PTPRN2: variants seen among roughly 807,000 people sequenced by gnomAD.
The protein encoded by PTPRN2 is protein tyrosine phosphatase receptor type N2, also known as receptor-type tyrosine-protein phosphatase N2.
PTPRN2 carries 74 observed loss-of-function variants against 118.8 expected under a neutral mutation model. The observed-to-expected ratio is 0.62, with a 90% CI of 0.52 to 0.76. The LOEUF is 0.76. Among genes scored for constraint, PTPRN2 ranks in the 30% least tolerant of loss-of-function variants. The probability of loss-of-function intolerance (pLI) is 0.00; values close to 1 mark genes in which losing one functional copy is unlikely to be tolerated. For missense variants in PTPRN2, 1,481 were observed against 1,394.4 expected, an observed-to-expected ratio of 1.06 and a Z score of -0.99; for synonymous variants, 641 against 608.0, an observed-to-expected ratio of 1.05 and a Z score of -0.80.
At chr7:157,836,906 C>A (rs1243613907) in intron 12 of PTPRN2, among the ~76,000 whole-genome samples, 2 of 151,884 alleles carry the variant, frequency 1.3e-5, no homozygotes, top group Non-Finnish European at 2.9e-5. Context: ...ATCCATCTAC[C>A]CACCCACCCT....
At chr7:157,847,641 G>A (rs1041074535) in intron 12 of PTPRN2, among the ~76,000 whole-genome samples, 12 of 149,154 alleles carry the variant, frequency 8.0e-5, no homozygotes, top group Non-Finnish European at 3.0e-5. Context: ...TGTGCCCAAT[G>A]TCTACAGAGC....
intron 2 of PTPRN2, among the ~76,000 whole-genome samples, chr7:158,326,816 C>T (rs1803597243): frequency 9.7e-6 from 1 of 103,468 alleles, no homozygotes; most frequent in Non-Finnish European, 2.0e-5. Flanking sequence ...CACACATGCA[C>T]ACATCCTCAC....
rs768795700 is a variant in PTPRN2 at position 157,988,093 on chromosome 7, C to T, written c.1724-89356G>A. Among the ~76,000 whole-genome samples the T allele has an allele frequency of 9.8e-5, 15 of 152,298 alleles. No homozygotes were observed. In the South Asian group the frequency reaches 1.0e-3, roughly 11 times the overall value. On this transcript the variant is annotated intron_variant, in intron 11 of 22. Transcript: ENST00000389418. ...CAGGGTCAAAGCTGCCTCATGCAGA[C>T]GGAGAGGAGAAGCTGCGTTCCCTGC...
chr7:158,425,844 G>C, intron 2 of PTPRN2, among the ~76,000 whole-genome samples: 1 of 126,208 alleles, frequency 7.9e-6, no homozygotes, highest in African/African-American at 3.4e-5. Flanking sequence ...TGAGGCCTGC[G>C]CACCGCCGGG....
chr7:157,967,452 ACT>A (rs1326251189), intron 11 of PTPRN2, among the ~76,000 whole-genome samples: 1 of 151,898 alleles, frequency 6.6e-6, no homozygotes, highest in Non-Finnish European at 1.5e-5. Context: ...GCAGGTAGAG[ACT>A]CTGTGTGGCA....
intron 4 of PTPRN2, among the ~76,000 whole-genome samples, chr7:158,192,785 G>A (rs1158099522): frequency 1.3e-5 from 2 of 152,192 alleles, no homozygotes; most frequent in Non-Finnish European, 1.5e-5. Flanking sequence ...AACAAGGGGA[G>A]GGGAGAAAGG....
chr7:157,782,281 T>C (rs1009601226), intron 12 of PTPRN2, among the ~76,000 whole-genome samples: 7 of 152,216 alleles, frequency 4.6e-5, no homozygotes, highest in African/African-American at 7.2e-5. Context: ...CAGGCTCCAG[T>C]CAACCACGCT....
At chr7:157,623,945 C>CT (rs1281069673) in intron 14 of PTPRN2, among the ~76,000 whole-genome samples, 1 of 152,192 alleles carries the variant, frequency 6.6e-6, no homozygotes, top group Non-Finnish European at 1.5e-5. Context: ...TCTTAGGAGT[C>CT]TTTTTTCTCT....
intron 3 of PTPRN2, among the ~76,000 whole-genome samples, chr7:158,230,105 G>C (rs934328594): frequency 6.6e-6 from 1 of 152,030 alleles, no homozygotes; most frequent in Non-Finnish European, 1.5e-5. Context: ...CAAAGTGCTG[G>C]AAGGAGAAAA....
chr7:157,675,722 G>A (rs962145224), intron 13 of PTPRN2, among the ~76,000 whole-genome samples: 1 of 152,126 alleles, frequency 6.6e-6, no homozygotes, highest in Non-Finnish European at 1.5e-5. Flanking sequence ...GACCGGGCAA[G>A]TCACCCTCGG....
At chr7:158,178,347 C>T (rs1824397245) in intron 5 of PTPRN2, among the ~76,000 whole-genome samples, 1 of 152,174 alleles carries the variant, frequency 6.6e-6, no homozygotes, top group South Asian at 2.1e-4. Flanking sequence ...ATCCCTCTCC[C>T]CTCTCACCCT....
chr7:158,472,012 G>GCCACGGTTCCTGCCCCA (rs1465138703), intron 2 of PTPRN2, among the ~76,000 whole-genome samples: 3 of 151,824 alleles, frequency 2.0e-5, no homozygotes, highest in Admixed American at 1.3e-4. Flanking sequence ...TTCCGGCCTC[G>GCCACGGTTCCTGCCCCA]CCACGGTTCC....
At chr7:158,270,195 A>T (rs1798215803) in intron 3 of PTPRN2, among the ~76,000 whole-genome samples, 1 of 152,226 alleles carries the variant, frequency 6.6e-6, no homozygotes, top group South Asian at 2.1e-4. Context: ...GCCAGCAGTG[A>T]CTCAGGGCCT....
At chr7:157,757,509 A>G (rs1189751484) in intron 12 of PTPRN2, among the ~76,000 whole-genome samples, 1 of 151,934 alleles carries the variant, frequency 6.6e-6, no homozygotes, top group Non-Finnish European at 1.5e-5. Flanking sequence ...GACCCCAGGG[A>G]ACTTTGGATA....
chr7:158,043,565 G>C (rs1010346824), intron 11 of PTPRN2, among the ~76,000 whole-genome samples: 2 of 152,238 alleles, frequency 1.3e-5, no homozygotes, highest in Non-Finnish European at 2.9e-5. Flanking sequence ...TCCTGCAGGA[G>C]AGAATGGCAT....
chr7:157,752,532 ACT>A (rs1277764435), intron 12 of PTPRN2, among the ~76,000 whole-genome samples: 1 of 151,284 alleles, frequency 6.6e-6, no homozygotes, highest in Non-Finnish European at 1.5e-5. Flanking sequence ...GTCAACGCGC[ACT>A]CTCTCTTCTG....
In PTPRN2 at chr7:157,629,819, T is replaced by C. The variant is rs1803829594; in HGVS notation, c.2197-8310A>G. 6.6e-6 allele frequency among the ~76,000 whole-genome samples: 1 copy of C among 152,230 alleles called. No individual in the cohort carries two copies. Among genetic ancestry groups the C allele is most frequent in the Admixed American group, 6.5e-5 (1 of 15,288 alleles). Reference sequence around the variant, plus strand: ...ACAATGCCCTTTAATTTACTGAACATTACAATCAAACCTTTTGTTAAAACG... The same window carrying C: ...ACAATGCCCTTTAATTTACTGAACACTACAATCAAACCTTTTGTTAAAACG... On this transcript the variant is annotated intron_variant, in intron 14 of 22. Transcript: ENST00000389418. This position sits in a 1 kb window ranked among gnomAD's most constrained non-coding sequence, Gnocchi z 4.4.
intron 12 of PTPRN2, among the ~76,000 whole-genome samples, chr7:157,887,289 C>A (rs1474310775): frequency 6.6e-6 from 1 of 152,072 alleles, no homozygotes; most frequent in African/African-American, 2.4e-5. Context: ...TACCAGTAAA[C>A]AGGCTTTTCT....
At chr7:158,520,355 G>A (rs1448962082) in intron 1 of PTPRN2, among the ~76,000 whole-genome samples, 1 of 152,224 alleles carries the variant, frequency 6.6e-6, no homozygotes, top group African/African-American at 2.4e-5. Flanking sequence ...AACGGACTCT[G>A]AGAACTTATT....
Sources: gnomAD v4.1 joint callset for allele counts (sites outside exome capture counted in the v4.1 genomes callset) on GRCh38, gnomAD v4.1.1 for gene constraint, Gnocchi (gnomAD v3.1) non-coding constraint, MANE v1.5 for transcripts, NCBI Gene and HGNC (gene_info 2026-07-23, HGNC 2026-07-21) for gene names.